CUBN: variants seen among roughly 807,000 people sequenced by gnomAD.
The protein encoded by CUBN is cubilin.
A neutral mutation model predicts 405.3 loss-of-function variants in CUBN; 282 were observed. The ratio of observed to expected loss-of-function variants is 0.70; its 90% CI spans 0.63 to 0.77. The LOEUF (loss-of-function observed/expected upper bound fraction) is 0.77, where lower values mean the gene tolerates loss of function less well. Among genes scored for constraint, CUBN ranks in the 30% least tolerant of loss-of-function variants. The pLI, the probability that CUBN is intolerant of heterozygous loss-of-function variation, is 0.00. For missense variants in CUBN, 4,514 were observed against 4,475.2 expected (o/e 1.01, Z -0.25); for synonymous variants, 1,684 against 1,617.0 (o/e 1.04, Z -0.99).
At chr10:16,933,346 T>G in intron 39 of CUBN, 62 bp from the exon 40 acceptor site, 1 of 1,501,590 alleles carries the variant, frequency 6.7e-7, no homozygotes, top group Non-Finnish European at 9.2e-7. Context: ...AGCTAGCACT[T>G]TTTCACTTGA....
intron 28 of CUBN, among the ~76,000 whole-genome samples, chr10:17,009,622 T>C (rs1380251047): frequency 7.1e-6 from 1 of 141,494 alleles, no homozygotes; most frequent in Non-Finnish European, 1.6e-5. Context: ...ATCCTGACTG[T>C]ACGGATGAAT....
Position 16,947,241 on chromosome 10 carries a change from G to T in CUBN, c.5336C>A (p.Ser1779Tyr), listed in dbSNP as rs1196163777. 1.9e-6 allele frequency: 3 copies of T among 1,614,098 alleles called. No individual in the cohort carries two copies. Among genetic ancestry groups the T allele is most frequent in the Non-Finnish European group, 1.7e-6 (2 of 1,179,970 alleles). The change falls in exon 36 of 67, where the codon TCT (serine) becomes TAT (tyrosine). Residue 1779 changes from serine (S) to tyrosine (Y), a missense_variant. Transcript: ENST00000377833. ...VSSPGNRLQLSFISFQLEDSQ... is the reference protein window; with the variant it reads ...VSSPGNRLQLYFISFQLEDSQ... ...ACCATAAAAAAGGATTTACATAAAA[G>T]ACAGCTGGAGCCGGTTGCCAGGGGA...
At chr10:16,957,545 G>A (rs904175402) in intron 31 of CUBN, among the ~76,000 whole-genome samples, 3 of 152,180 alleles carry the variant, frequency 2.0e-5, no homozygotes, top group East Asian at 1.9e-4. Context: ...CAAAGCCACA[G>A]TGAAATACCA....
Position 17,123,278 on chromosome 10 carries a change from G to A in CUBN, c.489+310C>T, listed in dbSNP as rs186085858. On this transcript the variant is annotated intron_variant, in intron 5 of 66. Transcript: ENST00000377833. Reference sequence around the variant, plus strand: ...CAAAGAAAATGAGAAAATTTGCATAGGTATGTCAAGATTTGTTTGGTACTT... The same window carrying A: ...CAAAGAAAATGAGAAAATTTGCATAAGTATGTCAAGATTTGTTTGGTACTT... 44 of 468,672 alleles carry A rather than the reference G, an allele frequency of 9.4e-5. 1 individual carries two copies. The highest frequency in any genetic ancestry group is 1.2e-3 in the Middle Eastern group (2 of 1,682). 29.0% of individuals were successfully genotyped at this position (468,672 alleles called of 1,614,324 possible).
At chr10:17,040,303 C>T (rs543557586) in intron 27 of CUBN, among the ~76,000 whole-genome samples, 3 of 152,040 alleles carry the variant, frequency 2.0e-5, no homozygotes, top group Non-Finnish European at 4.4e-5. Context: ...TATATATTAA[C>T]AATATAGACA....
chr10:16,832,023 T>C (rs1229224807), intron 64 of CUBN, among the ~76,000 whole-genome samples: 1 of 152,176 alleles, frequency 6.6e-6, no homozygotes, highest in Non-Finnish European at 1.5e-5. Context: ...ACAAACACAT[T>C]CCGAGGCCTT....
chr10:16,953,327 T>C (rs61844361), intron 32 of CUBN, among the ~76,000 whole-genome samples: 20,558 of 152,198 alleles, frequency 0.14, 1,736 homozygotes, highest in Non-Finnish European at 0.19. Flanking sequence ...ATATAGTCTG[T>C]CTTGCTCCAA....
intron 32 of CUBN, among the ~76,000 whole-genome samples, chr10:16,953,242 T>C (rs1421571217): frequency 6.6e-6 from 1 of 152,186 alleles, no homozygotes; most frequent in African/African-American, 2.4e-5. Flanking sequence ...CTTTTTACTA[T>C]GAAGCAACAA....
intron 27 of CUBN, among the ~76,000 whole-genome samples, chr10:17,020,541 T>C (rs865880257): frequency 5.2e-4 from 79 of 152,142 alleles, no homozygotes; most frequent in South Asian, 6.2e-4. Flanking sequence ...TAGAAATATA[T>C]GAAAAAGGAA....
chr10:16,899,321 T>G, intron 53 of CUBN, 138 bp from the exon 54 acceptor site: 2 of 730,268 alleles, frequency 2.7e-6, no homozygotes, highest in Non-Finnish European at 2.4e-6. Flanking sequence ...TCCAGTCAGG[T>G]GCACAGCAAG....
At chr10:16,987,624 C>T (rs1174363402) in intron 29 of CUBN, among the ~76,000 whole-genome samples, 1 of 152,076 alleles carries the variant, frequency 6.6e-6, no homozygotes, top group African/African-American at 2.4e-5. Context: ...CTGTAAGGCC[C>T]CACTTGACTA....
rs772892799 is a variant in CUBN, at chr10:17,111,034, T to C, written c.900A>G (p.Gly300=). The change falls in exon 9 of 67, where the codon GGA becomes GGG. Residue 300 remains glycine, a synonymous_variant. Coordinates refer to ENST00000377833, the MANE Select transcript of CUBN (RefSeq NM_001081.4). ...ATTCATTGATATCTTCGCAAATATA[T>C]CCATTGCCTTGCCAGCCTAGGAAAA... ...GACPTGWQGN[G]YICEDINECE... 1 of 1,614,132 alleles carries C rather than the reference T, an allele frequency of 6.2e-7. No homozygotes were observed. The highest frequency in any genetic ancestry group is 1.1e-5 in the South Asian group (1 of 91,082).
chr10:16,829,039 T>A lies in CUBN; in HGVS notation c.10530A>T (p.Gly3510=), dbSNP rs376007864. The change falls in exon 66 of 67, where the codon GGA becomes GGT. Residue 3510 remains glycine, a splice_region_variant and synonymous_variant. Transcript: ENST00000377833. Reference sequence around the variant, plus strand: ...TGTCTCCATAAAGAGTTCCACCACATCCTGCAAGGAAAACAGGACAGGAAG... The same window carrying A: ...TGTCTCCATAAAGAGTTCCACCACAACCTGCAAGGAAAACAGGACAGGAAG... ...YEIIWTSSPS[G]CGGTLYGDRG... The A allele has an allele frequency of 6.3e-5, 101 of 1,612,830 alleles. No homozygotes were observed. The highest frequency in any genetic ancestry group is 8.1e-5 in the Non-Finnish European group (96 of 1,179,166).
In CUBN at chr10:17,030,502, T is replaced by A. The variant is rs549077377; in HGVS notation, c.4018-10519A>T. 1.5e-3 allele frequency among the ~76,000 whole-genome samples: 223 copies of A among 152,366 alleles called. 1 individual carries two copies. The Middle Eastern group carries it at 0.024, about 16-fold the overall frequency. ...CTCTGTAATGCAGGTAGTATTGTTA[T>A]CTTCATTTTAGAGTTCTGGAAACTG... On this transcript the variant is annotated intron_variant, in intron 27 of 66. Coordinates refer to ENST00000377833, the MANE Select transcript of CUBN (RefSeq NM_001081.4).
At chr10:17,076,141 A>G (rs1249186974) in intron 17 of CUBN, among the ~76,000 whole-genome samples, 1 of 152,172 alleles carries the variant, frequency 6.6e-6, no homozygotes, top group East Asian at 1.9e-4. Flanking sequence ...AAAGTGGGCC[A>G]TTCCCCTGGG....
At chr10:17,065,100 CCCATTACTTTATCATT>C (rs1835582940) in intron 22 of CUBN, among the ~76,000 whole-genome samples, 1 of 148,910 alleles carries the variant, frequency 6.7e-6, no homozygotes, top group Non-Finnish European at 1.5e-5. Flanking sequence ...GTATTCTGCT[CCCATTACTTTATCATT>C]TCTCTCTCTC....
intron 29 of CUBN, among the ~76,000 whole-genome samples, chr10:16,988,603 G>A (rs56384946): frequency 0.029 from 4,362 of 152,212 alleles, 228 homozygotes; most frequent in African/African-American, 0.1. Context: ...ATTACTAAAA[G>A]TGATGAATTA....
intron 27 of CUBN, among the ~76,000 whole-genome samples, chr10:17,030,643 G>T (rs1242321971): frequency 6.6e-6 from 1 of 152,120 alleles, no homozygotes; most frequent in Non-Finnish European, 1.5e-5. Flanking sequence ...TGTTGGTCGG[G>T]CGTGGTGGCT....
intron 54 of CUBN, among the ~76,000 whole-genome samples, chr10:16,892,012 C>T (rs368368129): frequency 2.0e-5 from 3 of 152,166 alleles, no homozygotes; most frequent in African/African-American, 4.8e-5. Flanking sequence ...TACCAAATTA[C>T]TCATTCCAAA....
Sources: allele counts gnomAD v4.1 joint callset (sites outside exome capture counted in the v4.1 genomes callset), GRCh38; gene constraint gnomAD v4.1.1; transcripts MANE v1.5; gene names NCBI Gene and HGNC (gene_info 2026-07-23, HGNC 2026-07-21).